WWOX: variants seen among roughly 807,000 people sequenced by gnomAD.
The protein encoded by WWOX is WW domain containing oxidoreductase.
A neutral mutation model predicts 46.2 loss-of-function variants in WWOX; 69 were observed. The ratio of observed to expected loss-of-function variants is 1.49; its 90% CI spans 1.23 to 1.82. The LOEUF is 1.82. Among genes scored for constraint, WWOX ranks in the 40% most tolerant of loss-of-function variants. WWOX has a pLI of 0.00. For synonymous variants in WWOX, 359 were observed against 202.6 expected, an observed-to-expected ratio of 1.77 and a Z score of -6.56; for missense variants, 919 against 542.6, an observed-to-expected ratio of 1.69 and a Z score of -6.89.
In WWOX at chr16:78,354,312, C is replaced by CTTTTTTTTT. The variant is rs55635025; in HGVS notation, c.517-32542_517-32534dup. On this transcript the variant is annotated intron_variant, in intron 5 of 8. Coordinates refer to ENST00000566780, the MANE Select transcript of WWOX (RefSeq NM_016373.4). ...AGACAGTGTCTGCTGATGTGCTTAA[C>CTTTTTTTTT]TTTTTTTTTTTTTTGGTCAGGTGTG... Among the ~76,000 whole-genome samples, 359 of 123,212 alleles carry CTTTTTTTTT rather than the reference C, an allele frequency of 2.9e-3. 22 individuals are homozygous for CTTTTTTTTT. The highest frequency in any genetic ancestry group is 6.1e-3 in the African/African-American group (193 of 31,800). 80.8% of individuals were successfully genotyped at this position (123,212 alleles called of 152,430 possible). A position where few individuals can be genotyped will look rare whatever the true frequency, so the allele number is the denominator to read the frequency against.
chr16:78,575,543 A>G (rs1394838505), intron 8 of WWOX, among the ~76,000 whole-genome samples: 1 of 152,042 alleles, frequency 6.6e-6, no homozygotes, highest in Non-Finnish European at 1.5e-5. Context: ...TTGTGACTTC[A>G]GCTTTGTTTT....
At chr16:78,118,290 T>C (rs568993078) in intron 4 of WWOX, among the ~76,000 whole-genome samples, 1 of 152,182 alleles carries the variant, frequency 6.6e-6, no homozygotes. Flanking sequence ...ATTGGAGGGA[T>C]TCTTAATTCA....
At chr16:78,992,345 C>G (rs1597247777) in intron 8 of WWOX, among the ~76,000 whole-genome samples, 1 of 151,912 alleles carries the variant, frequency 6.6e-6, no homozygotes, top group Non-Finnish European at 1.5e-5. Context: ...TGGGTGCCTG[C>G]AATCCCAGCT....
chr16:79,059,868 A>G (rs969297106), intron 8 of WWOX, among the ~76,000 whole-genome samples: 2 of 152,204 alleles, frequency 1.3e-5, no homozygotes, highest in Non-Finnish European at 2.9e-5. Flanking sequence ...ACACACAAAA[A>G]TAGCTTTATT....
intron 8 of WWOX, among the ~76,000 whole-genome samples, chr16:78,461,834 G>A (rs1241366094): frequency 6.6e-6 from 1 of 152,200 alleles, no homozygotes; most frequent in Non-Finnish European, 1.5e-5. Flanking sequence ...GGAGGAAAAT[G>A]TTTTTCTTTA....
intron 8 of WWOX, among the ~76,000 whole-genome samples, chr16:78,600,340 C>G (rs964023095): frequency 2.6e-5 from 4 of 152,082 alleles, no homozygotes; most frequent in African/African-American, 7.2e-5. Context: ...AGTAGAGACT[C>G]AGCATAGCTG....
intron 8 of WWOX, among the ~76,000 whole-genome samples, chr16:78,523,970 A>C (rs2043403263): frequency 1.3e-5 from 2 of 152,224 alleles, no homozygotes; most frequent in Non-Finnish European, 2.9e-5. Context: ...TATTTTATTA[A>C]CATGTGCTAC....
At chr16:78,996,624 T>C (rs965891248) in intron 8 of WWOX, among the ~76,000 whole-genome samples, 8 of 152,004 alleles carry the variant, frequency 5.3e-5, no homozygotes, top group African/African-American at 1.7e-4. Flanking sequence ...GAATTAAGAT[T>C]ATGTCCATTC....
At chr16:78,200,354 C>T (rs1721588501) in intron 5 of WWOX, among the ~76,000 whole-genome samples, 1 of 150,800 alleles carries the variant, frequency 6.6e-6, no homozygotes, top group Non-Finnish European at 1.5e-5. Context: ...TTGGGGCATT[C>T]GCTCTTACAA....
At chr16:78,242,707 A>C (rs979180170) in intron 5 of WWOX, among the ~76,000 whole-genome samples, 1 of 152,100 alleles carries the variant, frequency 6.6e-6, no homozygotes. Context: ...AAGCAGAAAG[A>C]ATAAGAGATA....
chr16:78,760,463 C>G (rs1379530409), intron 8 of WWOX, among the ~76,000 whole-genome samples: 1 of 152,182 alleles, frequency 6.6e-6, no homozygotes, highest in Non-Finnish European at 1.5e-5. Flanking sequence ...AGCATACTCA[C>G]AGGTGGGATT....
chr16:78,693,470 C>T (rs950611985), intron 8 of WWOX, among the ~76,000 whole-genome samples: 7 of 152,116 alleles, frequency 4.6e-5, no homozygotes, highest in African/African-American at 1.7e-4. Context: ...CTATTTTTTT[C>T]CACATAATCC....
intron 6 of WWOX, among the ~76,000 whole-genome samples, chr16:78,409,121 C>T (rs2082614718): frequency 6.6e-6 from 1 of 151,952 alleles, no homozygotes; most frequent in Admixed American, 6.6e-5. Flanking sequence ...AGATTATTCA[C>T]AGATGTATAC....
intron 8 of WWOX, among the ~76,000 whole-genome samples, chr16:79,067,599 C>G (rs2048465693): frequency 8.2e-6 from 1 of 121,418 alleles, no homozygotes; most frequent in Non-Finnish European, 1.6e-5. Context: ...TCTGCCTGCC[C>G]TGGGTTTTTA....
intron 4 of WWOX, among the ~76,000 whole-genome samples, chr16:78,122,520 C>T (rs2033146534): frequency 6.6e-6 from 1 of 152,006 alleles, no homozygotes; most frequent in African/African-American, 2.4e-5. Context: ...TTACTTAAAA[C>T]CCAATTAAAA....
chr16:78,741,910 G>A (rs531124643), intron 8 of WWOX, among the ~76,000 whole-genome samples: 2 of 152,146 alleles, frequency 1.3e-5, no homozygotes, highest in Non-Finnish European at 2.9e-5. Flanking sequence ...TTTAATTTTA[G>A]ATAAACAATG....
intron 8 of WWOX, among the ~76,000 whole-genome samples, chr16:78,679,690 C>A (rs28661840): frequency 0.11 from 16,779 of 152,222 alleles, 1,088 homozygotes; most frequent in East Asian, 0.18. Flanking sequence ...TCATATAAAT[C>A]ATTTGTGACA....
Position 78,394,378 on chromosome 16 carries a change from A to G in WWOX, c.605+7430A>G, listed in dbSNP as rs558263414. On this transcript the variant is annotated intron_variant, in intron 6 of 8. Transcript: ENST00000566780. ...AAATTTTGAAAAGTCTACAAGTTAA[A>G]TTTTTTTTTCTATCCCATACATTTT... Among the ~76,000 whole-genome samples, 4 of 151,788 alleles carry G rather than the reference A, an allele frequency of 2.6e-5. No individual in the cohort carries two copies. The East Asian group carries it at 7.7e-4, about 29-fold the overall frequency.
intron 8 of WWOX, among the ~76,000 whole-genome samples, chr16:78,813,969 A>G (rs1185007919): frequency 5.9e-5 from 9 of 152,078 alleles, no homozygotes; most frequent in South Asian, 2.1e-4. Context: ...CCCCAATTCT[A>G]TAGGTTCTAT....
Sources: allele counts gnomAD v4.1 joint callset (sites outside exome capture counted in the v4.1 genomes callset), GRCh38; gene constraint gnomAD v4.1.1; transcripts MANE v1.5; gene names NCBI Gene and HGNC (gene_info 2026-07-23, HGNC 2026-07-21).